Variants in DNAH12 observed in about 807,000 individuals in gnomAD.
DNAH12 encodes dynein axonemal heavy chain 12, also known as axonemal beta dynein heavy chain 12.
DNAH12 carries 285 observed loss-of-function variants against 371.5 expected under a neutral mutation model. That is an observed-to-expected ratio of 0.77 (90% CI 0.70 to 0.85). The LOEUF (loss-of-function observed/expected upper bound fraction) is 0.85. DNAH12 is among the 40% of genes least tolerant of loss of function. The probability of loss-of-function intolerance (pLI) is 0.00; values close to 1 mark genes in which losing one functional copy is unlikely to be tolerated. For synonymous variants in DNAH12, 1,200 were observed against 1,213.0 expected (o/e 0.99, Z 0.22); for missense variants, 3,611 against 3,689.4 (o/e 0.98, Z 0.55).
At chr3:57,296,652 A>G (rs372348793) in intron 71 of DNAH12, among the ~76,000 whole-genome samples, 195 bp downstream of exon 71, 3 of 152,216 alleles carry the variant, frequency 2.0e-5, no homozygotes, top group East Asian at 1.9e-4. Flanking sequence ...AATTTTTGCT[A>G]AAGTAGAAGA....
chr3:57,508,873 C>A (rs887500221), intron 6 of DNAH12, among the ~76,000 whole-genome samples: 1 of 152,044 alleles, frequency 6.6e-6, no homozygotes, highest in Admixed American at 6.6e-5. Context: ...TAAAGAAAAG[C>A]GCTGGAGAAA....
At chr3:57,305,784 G>A (rs1420237547) in intron 69 of DNAH12, among the ~76,000 whole-genome samples, 2 of 152,014 alleles carry the variant, frequency 1.3e-5, no homozygotes, top group Non-Finnish European at 1.5e-5. Flanking sequence ...CCCACAACAG[G>A]ACTTAATTAA....
At chr3:57,417,093 A>T (rs1217300547) in intron 37 of DNAH12, among the ~76,000 whole-genome samples, 2 of 152,078 alleles carry the variant, frequency 1.3e-5, no homozygotes, top group Non-Finnish European at 2.9e-5. Flanking sequence ...TCTATTAAAA[A>T]TACAAAATTA....
chr3:57,314,471 T>C (rs1242702330), intron 66 of DNAH12, 23 bp downstream of exon 66: 3 of 1,550,662 alleles, frequency 1.9e-6, no homozygotes, highest in East Asian at 2.4e-5. Flanking sequence ...CCTTCATGAA[T>C]GTTAATTTCT....
At chr3:57,448,544 T>G (rs1008622790) in intron 25 of DNAH12, among the ~76,000 whole-genome samples, 2 of 150,012 alleles carry the variant, frequency 1.3e-5, no homozygotes, top group African/African-American at 4.9e-5. Flanking sequence ...GGACCCAGAG[T>G]GAGCAGTAGC....
chr3:57,525,809 C>A (rs2068628704), intron 2 of DNAH12, among the ~76,000 whole-genome samples: 1 of 120,408 alleles, frequency 8.3e-6, no homozygotes, highest in African/African-American at 3.3e-5. Flanking sequence ...GTCCCCCAGG[C>A]TGGAATACAG....
Position 57,508,366 on chromosome 3 carries a change from T to C in DNAH12, c.701+16A>G, listed in dbSNP as rs201594190. On this transcript the variant is annotated intron_variant, in intron 7 of 73. Transcript: ENST00000495027. ...AGCAAGGAGACATTCAAATTTTAAA[T>C]TAAACGGGATTTTACCTAATTCCTG... The C allele has an allele frequency of 1.8e-5, 29 of 1,573,012 alleles. No individual in the cohort carries two copies. The highest frequency in any genetic ancestry group is 2.5e-5 in the Non-Finnish European group (29 of 1,165,174).
chr3:57,537,222 C>T (rs575708027), intron 2 of DNAH12, among the ~76,000 whole-genome samples: 1 of 151,930 alleles, frequency 6.6e-6, no homozygotes, highest in South Asian at 2.1e-4. Context: ...GTGGCAAAAA[C>T]ATGAATAATC....
At chr3:57,316,762 TCTTC>T (rs2061694256) in intron 65 of DNAH12, among the ~76,000 whole-genome samples, 1 of 152,184 alleles carries the variant, frequency 6.6e-6, no homozygotes, top group Admixed American at 6.5e-5. Flanking sequence ...GTTTGGAAGT[TCTTC>T]CTTTGCTGTT....
chr3:57,366,137 A>G (rs1038104849), intron 57 of DNAH12, among the ~76,000 whole-genome samples: 298 of 152,278 alleles, frequency 2.0e-3, no homozygotes, highest in African/African-American at 6.8e-3. Flanking sequence ...AGATTACAGT[A>G]AAGAAGCTGG....
chr3:57,447,674 CCATTT>C (rs1177165416), intron 25 of DNAH12, among the ~76,000 whole-genome samples: 1 of 119,966 alleles, frequency 8.3e-6, no homozygotes, highest in Non-Finnish European at 2.0e-5. Flanking sequence ...GATAGTTCAT[CCATTT>C]TATTTTATTT....
intron 73 of DNAH12, among the ~76,000 whole-genome samples, chr3:57,294,732 A>C (rs1011200577): frequency 7.9e-5 from 12 of 152,192 alleles, no homozygotes; most frequent in Admixed American, 2.0e-4. Flanking sequence ...TAGCAGGTAA[A>C]TAATAAGAAA....
intron 12 of DNAH12, among the ~76,000 whole-genome samples, chr3:57,488,754 T>G (rs555003492): frequency 1.3e-5 from 2 of 152,278 alleles, no homozygotes; most frequent in African/African-American, 2.4e-5. Flanking sequence ...CAAGCTTTTT[T>G]GGGGACACAC....
intron 2 of DNAH12, chr3:57,530,662 T>G: frequency 2.1e-6 from 1 of 470,004 alleles, no homozygotes; most frequent in Non-Finnish European, 3.9e-6. Flanking sequence ...GTGCTGTCAC[T>G]GAGCACGATG....
In DNAH12 at chr3:57,334,911, A is replaced by G. The variant is rs1450968188; in HGVS notation, c.9704T>C (p.Leu3235Pro). ...TACTCCTCCAGTTAAAAGAAACATC[A>G]GTTCCTGGTATTCAATCTCTTTCCT... ...LARKEIEYQELMFLLTGGVSL... is the reference protein window; with the variant it reads ...LARKEIEYQEPMFLLTGGVSL... Residue 3235 changes from leucine (L) to proline (P), a missense_variant, in exon 61 of 74, where the codon CTG (leucine) becomes CCG (proline). By Grantham distance (98) the Leu-to-Pro change is moderately conservative (BLOSUM62 -3). Coordinates refer to ENST00000495027, the MANE Select transcript of DNAH12 (RefSeq NM_001366028.2). 5.2e-6 allele frequency: 8 copies of G among 1,550,500 alleles called. No individual in the cohort carries two copies. Among genetic ancestry groups the G allele is most frequent in the Non-Finnish European group, 7.0e-6 (8 of 1,146,782 alleles).
At chr3:57,332,339 T>C (rs1248921745) in intron 62 of DNAH12, among the ~76,000 whole-genome samples, 1 of 152,200 alleles carries the variant, frequency 6.6e-6, no homozygotes, top group African/African-American at 2.4e-5. Flanking sequence ...ATGTACAAAA[T>C]TTTCTGCCAT....
chr3:57,534,248 T>C (rs2068948501), intron 2 of DNAH12, among the ~76,000 whole-genome samples: 1 of 152,140 alleles, frequency 6.6e-6, no homozygotes, highest in African/African-American at 2.4e-5. Flanking sequence ...TGGGGGTGAT[T>C]GGTATCAGCA....
Position 57,334,618 on chromosome 3 carries a change from A to G in DNAH12, c.9834-9T>C, listed in dbSNP as rs2062181191. 3 of 1,531,358 alleles carry G rather than the reference A, an allele frequency of 2.0e-6. No homozygotes were observed. The East Asian group carries it at 7.4e-5, about 38-fold the overall frequency. 94.9% of individuals were successfully genotyped at this position (1,531,358 alleles called of 1,614,324 possible). A position where few individuals can be genotyped will look rare whatever the true frequency, so the allele number is the denominator to read the frequency against. On this transcript the variant is annotated splice_polypyrimidine_tract_variant and intron_variant, in intron 61 of 73. Transcript: ENST00000495027. ...GTTCACAAAAATGTTGCCTAATAGA[A>G]AAAAGCTTAAGAATTATTCTTTTTA...
intron 58 of DNAH12, among the ~76,000 whole-genome samples, chr3:57,362,161 C>T (rs1207702498): frequency 3.3e-5 from 5 of 152,136 alleles, no homozygotes; most frequent in African/African-American, 1.2e-4. Flanking sequence ...ATGGTTTCCA[C>T]CAGCTTCATC....
Sources: allele counts gnomAD v4.1 joint callset (sites outside exome capture counted in the v4.1 genomes callset), GRCh38; gene constraint gnomAD v4.1.1; transcripts MANE v1.5; gene names NCBI Gene and HGNC (gene_info 2026-07-23, HGNC 2026-07-21).